UNC5D: variants seen among roughly 807,000 people sequenced by gnomAD.
UNC5D encodes unc-5 netrin receptor D, also known as netrin receptor UNC5D.
A neutral mutation model predicts 105.4 loss-of-function variants in UNC5D; 39 were observed. That is an observed-to-expected ratio of 0.37 (90% CI 0.29 to 0.48). The LOEUF (loss-of-function observed/expected upper bound fraction) is 0.48. UNC5D is among the 20% of genes least tolerant of loss of function. UNC5D has a pLI of 0.98. For missense variants in UNC5D, 991 were observed against 1,202.4 expected (o/e 0.82, Z 2.60); for synonymous variants, 452 against 450.4 (o/e 1.00, Z -0.04).
intron 7 of UNC5D, among the ~76,000 whole-genome samples, chr8:35,704,989 G>A (rs1436037263): frequency 2.9e-5 from 4 of 135,602 alleles, no homozygotes; most frequent in South Asian, 2.4e-4. Context: ...TTTTTGAGAC[G>A]GAGTCTCGCT....
intron 1 of UNC5D, among the ~76,000 whole-genome samples, chr8:35,450,297 G>A (rs899475182): frequency 9.9e-5 from 15 of 152,218 alleles, no homozygotes; most frequent in Admixed American, 6.5e-4. Context: ...TGTCCTGTCC[G>A]TTGCTCAGAG....
chr8:35,785,048 G>A (rs899200607), intron 16 of UNC5D, among the ~76,000 whole-genome samples: 2 of 151,568 alleles, frequency 1.3e-5, no homozygotes, highest in African/African-American at 4.9e-5. Context: ...CTAATGTTCT[G>A]GTTCCATTAA....
At chr8:35,448,806 C>G (rs1004112583) in intron 1 of UNC5D, among the ~76,000 whole-genome samples, 1 of 152,068 alleles carries the variant, frequency 6.6e-6, no homozygotes, top group Non-Finnish European at 1.5e-5. Flanking sequence ...TTATTCTATA[C>G]TCTATGTCCG....
chr8:35,704,012 T>A (rs1827374975), intron 7 of UNC5D, among the ~76,000 whole-genome samples: 1 of 152,208 alleles, frequency 6.6e-6, no homozygotes, highest in South Asian at 2.1e-4. Context: ...TACCGTCACA[T>A]CTGTTCAGTA....
chr8:35,315,192 T>C, intron 1 of UNC5D, among the ~76,000 whole-genome samples: 1 of 152,322 alleles, frequency 6.6e-6, no homozygotes, highest in East Asian at 1.9e-4. Context: ...CTCATTCAAT[T>C]GTATTATATC....
At chr8:35,761,849 G>C (rs1354100650) in intron 14 of UNC5D, among the ~76,000 whole-genome samples, 1 of 152,150 alleles carries the variant, frequency 6.6e-6, no homozygotes, top group East Asian at 1.9e-4. Flanking sequence ...TAAGCACTTA[G>C]GGGAGGGTTT....
chr8:35,465,852 G>C (rs983927600), intron 1 of UNC5D, among the ~76,000 whole-genome samples: 2 of 152,124 alleles, frequency 1.3e-5, no homozygotes, highest in African/African-American at 4.8e-5. Context: ...GTTAGAGGGG[G>C]ATGTTATCGT....
intron 3 of UNC5D, among the ~76,000 whole-genome samples, chr8:35,590,984 CTTATA>C (rs1819132060): frequency 6.6e-6 from 1 of 152,040 alleles, no homozygotes; most frequent in Non-Finnish European, 1.5e-5. Context: ...AATATTTTTA[CTTATA>C]TTATAAAAAG....
At chr8:35,434,666 A>G (rs1434218184) in intron 1 of UNC5D, among the ~76,000 whole-genome samples, 3 of 152,128 alleles carry the variant, frequency 2.0e-5, no homozygotes, top group Non-Finnish European at 4.4e-5. Context: ...ATACAGTTCC[A>G]CAATTTAATT....
At chr8:35,772,881 G>T (rs772934186) in intron 15 of UNC5D, among the ~76,000 whole-genome samples, 1 of 151,220 alleles carries the variant, frequency 6.6e-6, no homozygotes, top group Non-Finnish European at 1.5e-5. Flanking sequence ...TTTCTTGCTG[G>T]CTGTTGGCCA....
intron 1 of UNC5D, among the ~76,000 whole-genome samples, chr8:35,481,304 A>G (rs552500337): frequency 6.6e-6 from 1 of 152,316 alleles, no homozygotes; most frequent in South Asian, 2.1e-4. Context: ...GGCAGCGTGT[A>G]TTAGTGCAAT....
At chr8:35,395,436 A>G (rs994104705) in intron 1 of UNC5D, among the ~76,000 whole-genome samples, 1 of 152,226 alleles carries the variant, frequency 6.6e-6, no homozygotes, top group African/African-American at 2.4e-5. Context: ...TATCAAAAAG[A>G]AAAGAAAACA....
chr8:35,775,943 A>C (rs980811078), intron 16 of UNC5D, among the ~76,000 whole-genome samples: 8 of 152,260 alleles, frequency 5.3e-5, no homozygotes. Flanking sequence ...GAAAGAAACA[A>C]AAATGTATGA....
chr8:35,235,843 G>T lies in UNC5D; in HGVS notation c.59G>T (p.Trp20Leu). 1 of 1,230,628 alleles carries T rather than the reference G, an allele frequency of 8.1e-7. No homozygotes were observed. Among genetic ancestry groups the T allele is most frequent in the Admixed American group, 4.2e-5 (1 of 23,640 alleles). The allele number at this position is 1,230,628 out of a possible 1,614,324, so 76.2% of individuals were successfully genotyped here. Residue 20 changes from tryptophan to leucine, a missense_variant, in exon 1 of 17, where the codon TGG becomes TTG. By Grantham distance (61) the Trp-to-Leu change is moderately conservative. Transcript: ENST00000404895. ...GGGGARRWLP[W>L]LGLCFWAAGT... ...GGAGGGGCGCGCCGCTGGCTCCCGT[G>T]GCTGGGGCTGTGCTTCTGGGCGGCA... is the stretch of plus-strand genomic sequence containing the variant.
At chr8:35,530,162 A>C (rs1324878617) in intron 1 of UNC5D, among the ~76,000 whole-genome samples, 1 of 152,210 alleles carries the variant, frequency 6.6e-6, no homozygotes, top group East Asian at 1.9e-4. Flanking sequence ...TGTCCATTCA[A>C]TATGATATTG....
At chr8:35,320,278 A>G (rs1375156102) in intron 1 of UNC5D, among the ~76,000 whole-genome samples, 1 of 152,058 alleles carries the variant, frequency 6.6e-6, no homozygotes, top group East Asian at 1.9e-4. Context: ...TGAAAGAGTT[A>G]AGTTATTATC....
intron 1 of UNC5D, among the ~76,000 whole-genome samples, chr8:35,512,535 GTA>G (rs71887063): frequency 0.012 from 413 of 33,122 alleles, 13 homozygotes; most frequent in East Asian, 0.022. Flanking sequence ...ATTCAGATAT[GTA>G]TGTATATATA....
At chr8:35,627,623 C>G (rs1448370292) in intron 4 of UNC5D, among the ~76,000 whole-genome samples, 1 of 152,120 alleles carries the variant, frequency 6.6e-6, no homozygotes, top group Non-Finnish European at 1.5e-5. Flanking sequence ...GTTGACAGTA[C>G]TGTTTTTAAA....
intron 1 of UNC5D, among the ~76,000 whole-genome samples, chr8:35,399,783 T>C (rs912883622): frequency 4.6e-5 from 7 of 152,140 alleles, no homozygotes; most frequent in Admixed American, 3.3e-4. Context: ...AAGGTTCCTC[T>C]TTGCCAGCAG....
Sources: gnomAD v4.1 joint callset for allele counts (sites outside exome capture counted in the v4.1 genomes callset) on GRCh38, gnomAD v4.1.1 for gene constraint, MANE v1.5 for transcripts, NCBI Gene and HGNC (gene_info 2026-07-23, HGNC 2026-07-21) for gene names.